Variants in ABLIM2 observed in about 807,000 individuals in gnomAD.
ABLIM2 encodes the protein actin binding LIM protein family member 2.
A neutral mutation model predicts 97.7 loss-of-function variants in ABLIM2; 53 were observed. The ratio of observed to expected loss-of-function variants is 0.54; its 90% CI spans 0.44 to 0.68. The LOEUF (loss-of-function observed/expected upper bound fraction) is 0.68. Ranked by LOEUF, ABLIM2 falls within the 30% of genes least tolerant of loss-of-function variation. The pLI is 0.00. For missense variants in ABLIM2, 835 were observed against 867.2 expected (o/e 0.96, Z 0.47); for synonymous variants, 361 against 345.8 (o/e 1.04, Z -0.49).
chr4:8,055,031 C>A (rs527814934), intron 7 of ABLIM2, among the ~76,000 whole-genome samples: 7 of 151,594 alleles, frequency 4.6e-5, no homozygotes, highest in Non-Finnish European at 1.0e-4. Context: ...CTCAAACTAC[C>A]CCAAGTCTTT....
At chr4:8,137,158 G>A (rs1045715406) in intron 1 of ABLIM2, among the ~76,000 whole-genome samples, 4 of 152,184 alleles carry the variant, frequency 2.6e-5, no homozygotes, top group African/African-American at 9.7e-5. Context: ...TGTGGTATTT[G>A]TCACGGCAGC....
At chr4:8,042,454 C>T (rs966195564) in intron 9 of ABLIM2, among the ~76,000 whole-genome samples, 4 of 152,148 alleles carry the variant, frequency 2.6e-5, no homozygotes, top group Non-Finnish European at 5.9e-5. Flanking sequence ...AGCAGACGGC[C>T]CTGCTGTTTC....
intron 2 of ABLIM2, among the ~76,000 whole-genome samples, chr4:8,104,078 G>A (rs919914711): frequency 1.3e-5 from 2 of 152,212 alleles, no homozygotes; most frequent in Non-Finnish European, 2.9e-5. Context: ...AGGCCAGGGT[G>A]GAGGCCACCC....
At chr4:8,060,269 G>T (rs1163334016) in intron 7 of ABLIM2, among the ~76,000 whole-genome samples, 2 of 152,162 alleles carry the variant, frequency 1.3e-5, no homozygotes, top group Non-Finnish European at 2.9e-5. Flanking sequence ...GGTTAATCTG[G>T]GAGGAGGAGA....
chr4:8,011,821 T>C (rs1765065176), intron 14 of ABLIM2, among the ~76,000 whole-genome samples: 1 of 152,214 alleles, frequency 6.6e-6, no homozygotes, highest in South Asian at 2.1e-4. Context: ...AAATCTTTGG[T>C]TGGAGGCATC....
At position 8,150,699 on chromosome 4, in the gene ABLIM2, T is replaced by C. The variant is rs1254426735; in HGVS notation, c.10+7981A>G. Among the ~76,000 whole-genome samples, 1 of 152,154 alleles carries C rather than the reference T, an allele frequency of 6.6e-6. No homozygotes were observed. Among genetic ancestry groups the C allele is most frequent in the African/African-American group, 2.4e-5 (1 of 41,436 alleles). On this transcript the variant is annotated intron_variant, in intron 1 of 20. Transcript: ENST00000447017. The surrounding 1 kb of genome is among the most constrained non-coding windows in gnomAD (Gnocchi z 6.3). The stretch of plus-strand genomic sequence containing the variant: ...GAAGCTTCGAGCTGAGACCGATGAC[T>C]CAAGACACCACGCCTCCTGAGGATG...
rs1823202059 is a variant in ABLIM2, at chr4:8,085,808, C to T, written c.454+2361G>A. 6.6e-6 allele frequency among the ~76,000 whole-genome samples: 1 copy of T among 152,232 alleles called. No individual in the cohort carries two copies. The highest frequency in any genetic ancestry group is 2.1e-4 in the South Asian group (1 of 4,832). On this transcript the variant is annotated intron_variant, in intron 4 of 20. Coordinates refer to ENST00000447017, the MANE Select transcript of ABLIM2 (RefSeq NM_001130083.2). This position sits in a 1 kb window ranked among gnomAD's most constrained non-coding sequence, Gnocchi z 6.1. ...ATCCTCCCCCTTCCAGACCCACCTG[C>T]TGGAATTCAGCCTGCGTCTCCAGTT...
In ABLIM2 at chr4:7,983,317, T is replaced by C; in HGVS notation, c.1771A>G (p.Thr591Ala). 2 of 1,612,564 alleles carry C rather than the reference T, an allele frequency of 1.2e-6. No homozygotes were observed. Among genetic ancestry groups the C allele is most frequent in the Non-Finnish European group, 1.7e-6 (2 of 1,179,544 alleles). ...KIYPYDSLIV[T>A]NRIRVKLPKD... is the part of the protein sequence containing the mutation. ...GGCAGTTTCACGCGAATTCGGTTTGTGACGATGAGGGAGTCATACGGATAG... is the reference window on the plus strand; with the variant it reads ...GGCAGTTTCACGCGAATTCGGTTTGCGACGATGAGGGAGTCATACGGATAG... Residue 591 changes from threonine to alanine, a missense_variant, in exon 20 of 21, where the codon ACA becomes GCA. Thr to Ala is a moderately conservative substitution (Grantham distance 58, BLOSUM62 0). Transcript: ENST00000447017.
At chr4:8,115,940 C>T (rs1272226972) in intron 1 of ABLIM2, among the ~76,000 whole-genome samples, 1 of 152,202 alleles carries the variant, frequency 6.6e-6, no homozygotes, top group African/African-American at 2.4e-5. Context: ...CACGCTGTGA[C>T]CACGCATGGA....
intron 3 of ABLIM2, among the ~76,000 whole-genome samples, chr4:8,091,351 A>AATATATAT (rs1827610592): frequency 5.1e-5 from 1 of 19,424 alleles, no homozygotes; most frequent in Non-Finnish European, 1.1e-4. Flanking sequence ...ATATATATAT[A>AATATATAT]ATTATATATA....
intron 12 of ABLIM2, chr4:8,020,515 T>C: frequency 1.5e-6 from 1 of 649,174 alleles, no homozygotes. Flanking sequence ...AGTTGAAGTC[T>C]GTCCAGAGTC....
In ABLIM2 at chr4:8,068,261, CT is replaced by C. The variant is rs1024792263; in HGVS notation, c.676-7208del. The stretch of plus-strand genomic sequence containing the variant: ...TCAAAATATATGAGCAACTGAAAGA[CT>C]TTGCAGTGAGTGGTTTTAGGAAGAC... On this transcript the variant is annotated intron_variant, in intron 6 of 20. Coordinates refer to ENST00000447017, the MANE Select transcript of ABLIM2 (RefSeq NM_001130083.2). The surrounding 1 kb of genome is among the most constrained non-coding windows in gnomAD (Gnocchi z 4.5). Among the ~76,000 whole-genome samples the C allele has an allele frequency of 6.6e-6, 1 of 152,200 alleles. No homozygotes were observed. Among genetic ancestry groups the C allele is most frequent in the Non-Finnish European group, 1.5e-5 (1 of 68,028 alleles).
At chr4:8,048,362 C>G (rs1167247094) in intron 8 of ABLIM2, among the ~76,000 whole-genome samples, 4 of 152,232 alleles carry the variant, frequency 2.6e-5, no homozygotes, top group Admixed American at 2.0e-4. Context: ...TGGGAGCTCA[C>G]CTGGCTCCAA....
At chr4:8,086,419 C>T (rs1285806898) in intron 4 of ABLIM2, among the ~76,000 whole-genome samples, 1 of 149,672 alleles carries the variant, frequency 6.7e-6, no homozygotes, top group African/African-American at 2.5e-5. Context: ...GCAATCCCAG[C>T]TCACTGCAAT....
chr4:8,054,173 G>A lies in ABLIM2; in HGVS notation c.822+15C>T. On this transcript the variant is annotated intron_variant, in intron 8 of 20. Transcript: ENST00000447017. The surrounding 1 kb of genome is among the most constrained non-coding windows in gnomAD (Gnocchi z 4.9). ...AGTGAAGGGTACATCAGAGACACCAGTGAATGCCACCAACCTTGTTTCTGT... is the reference window on the plus strand; with the variant it reads ...AGTGAAGGGTACATCAGAGACACCAATGAATGCCACCAACCTTGTTTCTGT... 1.2e-6 allele frequency: 2 copies of A among 1,613,934 alleles called. No individual in the cohort carries two copies. Among genetic ancestry groups the A allele is most frequent in the Non-Finnish European group, 8.5e-7 (1 of 1,179,796 alleles).
intron 9 of ABLIM2, chr4:8,041,289 G>A (rs1788303945): frequency 6.6e-6 from 1 of 152,238 alleles, no homozygotes; most frequent in Non-Finnish European, 1.5e-5. Context: ...CCCAGAACAG[G>A]GATGCCATCT....
chr4:8,050,060 G>A (rs1295898120), intron 8 of ABLIM2, among the ~76,000 whole-genome samples: 2 of 152,140 alleles, frequency 1.3e-5, no homozygotes, highest in East Asian at 1.9e-4. Context: ...CCTATAACTT[G>A]GAAGCTCCTG....
At chr4:7,982,015 C>T (rs1560393934) in intron 20 of ABLIM2, among the ~76,000 whole-genome samples, 1 of 152,162 alleles carries the variant, frequency 6.6e-6, no homozygotes, top group Non-Finnish European at 1.5e-5. Flanking sequence ...CTGGTGCCTT[C>T]TCCCCTCTCT....
rs554903614 is a variant in ABLIM2, at chr4:8,069,965, G to A, written c.675+7663C>T. On this transcript the variant is annotated intron_variant, in intron 6 of 20. Transcript: ENST00000447017. The surrounding 1 kb of genome is among the most constrained non-coding windows in gnomAD (Gnocchi z 4.2). ...ATGTGTGTTGTTTGTGTGCCTAAGC[G>A]TGCTGTCTGCACGTCTTGTATGTGT... is the stretch of plus-strand genomic sequence containing the variant. Among the ~76,000 whole-genome samples, 8 of 152,110 alleles carry A rather than the reference G, an allele frequency of 5.3e-5. No homozygotes were observed. The highest frequency in any genetic ancestry group is 4.2e-4 in the South Asian group (2 of 4,806).
Sources: gnomAD v4.1 joint callset for allele counts (sites outside exome capture counted in the v4.1 genomes callset) on GRCh38, gnomAD v4.1.1 for gene constraint, Gnocchi (gnomAD v3.1) non-coding constraint, MANE v1.5 for transcripts, NCBI Gene and HGNC (gene_info 2026-07-23, HGNC 2026-07-21) for gene names.